Variants in KDM4C observed in about 807,000 individuals in gnomAD.
The protein encoded by KDM4C is lysine-specific demethylase 4C.
In KDM4C, 81 loss-of-function variants were observed where a neutral mutation model predicts 129.3. The ratio of observed to expected loss-of-function variants is 0.63; its 90% CI spans 0.52 to 0.75. KDM4C has a LOEUF of 0.75. Among genes scored for constraint, KDM4C ranks in the 30% least tolerant of loss-of-function variants. The probability of loss-of-function intolerance (pLI) is 0.00; values close to 1 mark genes in which losing one functional copy is unlikely to be tolerated. For synonymous variants in KDM4C, 573 were observed against 456.1 expected (o/e 1.26, Z -3.26); for missense variants, 1,457 against 1,304.0 (o/e 1.12, Z -1.81).
At chr9:7,123,568 C>G (rs1416737293) in intron 18 of KDM4C, among the ~76,000 whole-genome samples, 1 of 152,218 alleles carries the variant, frequency 6.6e-6, no homozygotes, top group East Asian at 1.9e-4. Flanking sequence ...CACTGTTCAT[C>G]TGTCAGGAAC....
chr9:7,039,125 C>T (rs1828134208), intron 15 of KDM4C, among the ~76,000 whole-genome samples: 2 of 151,788 alleles, frequency 1.3e-5, no homozygotes, highest in South Asian at 2.1e-4. Context: ...CCTATATTTT[C>T]TTATAATACT....
At chr9:6,878,807 A>G (rs551949746) in intron 5 of KDM4C, among the ~76,000 whole-genome samples, 21 of 140,972 alleles carry the variant, frequency 1.5e-4, no homozygotes, top group African/African-American at 5.4e-4. Context: ...CCACACCCAC[A>G]CCCACACCCA....
At chr9:6,930,455 A>G (rs2131299619) in intron 8 of KDM4C, among the ~76,000 whole-genome samples, 1 of 151,458 alleles carries the variant, frequency 6.6e-6, no homozygotes, top group South Asian at 2.1e-4. Flanking sequence ...GTCTTTTGAA[A>G]AAATCTGCAT....
intron 15 of KDM4C, among the ~76,000 whole-genome samples, chr9:7,025,508 T>C (rs1230456313): frequency 1.3e-5 from 2 of 152,228 alleles, no homozygotes; most frequent in African/African-American, 4.8e-5. Flanking sequence ...CTTTTTATTT[T>C]TTAGGTATAT....
At chr9:7,103,987 C>A (rs1837400410) in intron 18 of KDM4C, 117 bp downstream of exon 18, 2 of 928,876 alleles carry the variant, frequency 2.2e-6, no homozygotes, top group Non-Finnish European at 3.3e-6. Context: ...GTTGACATGT[C>A]TAGACCGTGA....
intron 1 of KDM4C, chr9:6,734,827 G>T: frequency 2.1e-6 from 1 of 471,488 alleles, no homozygotes; most frequent in Non-Finnish European, 4.2e-6. Flanking sequence ...TTCTCTACAG[G>T]ATCAACTACT....
chr9:6,800,129 A>C lies in KDM4C; in HGVS notation c.145-5470A>C, dbSNP rs1162200751. Reference sequence around the variant, plus strand: ...ACGCCTGTAATCCCAGCACTTTGGAAGGCTGAGGTGGGTGGATCACTTGAG... The same window carrying C: ...ACGCCTGTAATCCCAGCACTTTGGACGGCTGAGGTGGGTGGATCACTTGAG... On this transcript the variant is annotated intron_variant, in intron 2 of 21. Coordinates refer to ENST00000381309, the MANE Select transcript of KDM4C (RefSeq NM_015061.6). Among the ~76,000 whole-genome samples, 4 of 152,170 alleles carry C rather than the reference A, an allele frequency of 2.6e-5. No homozygotes were observed. The East Asian group carries it at 5.8e-4, about 22-fold the overall frequency.
intron 17 of KDM4C, among the ~76,000 whole-genome samples, chr9:7,100,681 G>C (rs151194481): frequency 6.6e-6 from 1 of 152,222 alleles, no homozygotes; most frequent in East Asian, 1.9e-4. Flanking sequence ...ATTCTGAGTG[G>C]CACTGTTTTT....
At chr9:6,764,407 C>G (rs941138403) in intron 1 of KDM4C, among the ~76,000 whole-genome samples, 1 of 152,186 alleles carries the variant, frequency 6.6e-6, no homozygotes, top group Non-Finnish European at 1.5e-5. Context: ...TTCCCTTGCA[C>G]AGTTGCTCAT....
At chr9:6,930,684 TATTA>T (rs1280869793) in intron 8 of KDM4C, among the ~76,000 whole-genome samples, 1 of 68,566 alleles carries the variant, frequency 1.5e-5, no homozygotes, top group Non-Finnish European at 3.2e-5. Context: ...ATATATAATA[TATTA>T]ATTATTAACA....
intron 17 of KDM4C, among the ~76,000 whole-genome samples, chr9:7,080,994 A>C (rs1834459647): frequency 6.6e-6 from 1 of 152,250 alleles, no homozygotes; most frequent in South Asian, 2.1e-4. Context: ...TGTGTGGGCA[A>C]ACCTAAGGCA....
intron 8 of KDM4C, among the ~76,000 whole-genome samples, chr9:6,909,243 G>T (rs1337692072): frequency 6.6e-6 from 1 of 152,238 alleles, no homozygotes; most frequent in African/African-American, 2.4e-5. Context: ...TGTGCTAGTG[G>T]AAGCATGTCC....
intron 8 of KDM4C, among the ~76,000 whole-genome samples, chr9:6,945,612 A>G (rs1454743729): frequency 2.0e-5 from 3 of 152,208 alleles, no homozygotes; most frequent in Non-Finnish European, 2.9e-5. Context: ...ATCAAAATAG[A>G]TGGAATTTAC....
intron 8 of KDM4C, among the ~76,000 whole-genome samples, chr9:6,930,543 A>G (rs529558809): frequency 3.4e-4 from 33 of 97,500 alleles, no homozygotes; most frequent in Non-Finnish European, 6.2e-4. Context: ...TATGTGTTAT[A>G]TATAACAACA....
intron 5 of KDM4C, among the ~76,000 whole-genome samples, chr9:6,854,525 C>CAA (rs1177446839): frequency 0.063 from 2,560 of 40,926 alleles, 129 homozygotes; most frequent in South Asian, 0.16. Context: ...AACTCCGTCT[C>CAA]AAAAAAAAAA....
Position 6,887,976 on chromosome 9 carries a change from C to T in KDM4C, c.696C>T (p.Ser232=). The change falls in exon 7 of 22, where the codon AGC becomes AGT. Residue 232 remains serine (S), a synonymous_variant. Coordinates refer to ENST00000381309, the MANE Select transcript of KDM4C (RefSeq NM_015061.6). ...TCTTTTTAGGTTTTTTCCCAAGCAGCTCCCAAGGGTGTGATGCATTTCTTC... is the reference window on the plus strand; with the variant it reads ...TCTTTTTAGGTTTTTTCCCAAGCAGTTCCCAAGGGTGTGATGCATTTCTTC... ...ERLAQGFFPS[S]SQGCDAFLRH... 6.2e-7 allele frequency: 1 copy of T among 1,609,742 alleles called. No homozygotes were observed. Among genetic ancestry groups the T allele is most frequent in the Non-Finnish European group, 8.5e-7 (1 of 1,176,228 alleles).
At chr9:6,906,381 T>C (rs1348484856) in intron 8 of KDM4C, among the ~76,000 whole-genome samples, 1 of 152,202 alleles carries the variant, frequency 6.6e-6, no homozygotes, top group African/African-American at 2.4e-5. Context: ...CATCGTGGTA[T>C]ACCGTTCCTA....
intron 18 of KDM4C, among the ~76,000 whole-genome samples, chr9:7,106,010 A>G (rs1378879509): frequency 6.6e-6 from 1 of 152,146 alleles, no homozygotes; most frequent in Non-Finnish European, 1.5e-5. Flanking sequence ...TGAGGGAACA[A>G]TTTTAGTGTT....
chr9:6,906,452 C>T (rs1319945099), intron 8 of KDM4C, among the ~76,000 whole-genome samples: 11 of 152,146 alleles, frequency 7.2e-5, no homozygotes, highest in Non-Finnish European at 2.9e-5. Flanking sequence ...GACTCCAAGT[C>T]TTCTGCCTCA....
Sources: gnomAD v4.1 joint callset for allele counts (sites outside exome capture counted in the v4.1 genomes callset) on GRCh38, gnomAD v4.1.1 for gene constraint, MANE v1.5 for transcripts, NCBI Gene and HGNC (gene_info 2026-07-23, HGNC 2026-07-21) for gene names.